Variants in ZNF410 observed in about 807,000 individuals in gnomAD.
ZNF410 encodes the protein zinc finger protein 410, also known as another partner for ARF 1.
A neutral mutation model predicts 54.8 loss-of-function variants in ZNF410; 18 were observed. The ratio of observed to expected loss-of-function variants is 0.33; its 90% CI spans 0.23 to 0.49. The LOEUF (loss-of-function observed/expected upper bound fraction) is 0.49, where lower values mean the gene tolerates loss of function less well. Ranked by LOEUF, ZNF410 falls within the 20% of genes least tolerant of loss-of-function variation. ZNF410 has a pLI of 0.99. For synonymous variants in ZNF410, 191 were observed against 207.3 expected (o/e 0.92, Z 0.68); for missense variants, 405 against 569.6 (o/e 0.71, Z 2.94).
Position 73,896,334 on chromosome 14 carries a change from C to A in ZNF410, c.188C>A (p.Ser63Tyr). The A allele has an allele frequency of 6.2e-7, 1 of 1,614,070 alleles. No individual in the cohort carries two copies. Among genetic ancestry groups the A allele is most frequent in the Non-Finnish European group, 8.5e-7 (1 of 1,179,966 alleles). ...LMLPDDTTNH[S>Y]NSSKEVPSSA... ...TTACTAGATGATACTACAAATCATT[C>A]TAACTCCTCCAAGGAGGTCCCTTCC... The change falls in exon 4 of 12, where the codon TCT (serine) becomes TAT (tyrosine). Residue 63 changes from serine (S) to tyrosine (Y), a missense_variant. By Grantham distance (144) the Ser-to-Tyr change is moderately radical. Coordinates refer to ENST00000555044, the MANE Select transcript of ZNF410 (RefSeq NM_021188.3).
intron 4 of ZNF410, 107 bp downstream of exon 4, chr14:73,896,641 A>G (rs898092050): frequency 4.5e-6 from 4 of 898,494 alleles, no homozygotes; most frequent in Admixed American, 5.5e-5. Flanking sequence ...TTATTATTTT[A>G]TTATTTTGGA....
chr14:73,891,360 G>T (rs550965333), intron 1 of ZNF410, among the ~76,000 whole-genome samples: 1 of 152,008 alleles, frequency 6.6e-6, no homozygotes, highest in East Asian at 1.9e-4. Context: ...TTTGTTTGTT[G>T]GTTTGTTTTT....
Position 73,923,451 on chromosome 14 carries a change from C to A in ZNF410, c.1327C>A (p.His443Asn). 1 of 1,614,086 alleles carries A rather than the reference C, an allele frequency of 6.2e-7. No homozygotes were observed. Among genetic ancestry groups the A allele is most frequent in the Non-Finnish European group, 8.5e-7 (1 of 1,179,974 alleles). Reference sequence around the variant, plus strand: ...GTCTTCAGTGCCTGATGTGACACATCACCTGGTGACCATGCAGTCAGGGAG... The same window carrying A: ...GTCTTCAGTGCCTGATGTGACACATAACCTGGTGACCATGCAGTCAGGGAG... ...SLSSVPDVTH[H>N]LVTMQSGRQS... The change falls in exon 11 of 12, where the codon CAC (histidine) becomes AAC (asparagine). Residue 443 changes from histidine to asparagine, a missense_variant. His to Asn is a moderately conservative substitution (Grantham distance 68, BLOSUM62 1). This residue lies in a region of ZNF410 where 127 missense variants were observed against 141.3 expected (regional missense o/e 0.90). Coordinates refer to ENST00000555044, the MANE Select transcript of ZNF410 (RefSeq NM_021188.3).
chr14:73,903,335 A>G (rs1406156878), intron 5 of ZNF410, among the ~76,000 whole-genome samples: 3 of 152,164 alleles, frequency 2.0e-5, no homozygotes, highest in African/African-American at 4.8e-5. Context: ...GTAATGCAAA[A>G]TGGTTTTAAT....
Position 73,896,497 on chromosome 14 carries a change from T to C in ZNF410, c.351T>C (p.Asp117=). Residue 117 remains aspartate (D), a synonymous_variant, in exon 4 of 12, where the codon GAT becomes GAC. Coordinates refer to ENST00000555044, the MANE Select transcript of ZNF410 (RefSeq NM_021188.3). Reference sequence around the variant, plus strand: ...TGTTGCAAGATCTACAGCCAAGTGATAGCACTTCTTTTATTCTTCTTAACC... The same window carrying C: ...TGTTGCAAGATCTACAGCCAAGTGACAGCACTTCTTTTATTCTTCTTAACC... The part of the protein sequence containing the change: ...SSLLQDLQPS[D]STSFILLNLT... 1.9e-6 allele frequency: 3 copies of C among 1,614,248 alleles called. No homozygotes were observed. Among genetic ancestry groups the C allele is most frequent in the Non-Finnish European group, 2.5e-6 (3 of 1,180,054 alleles).
At chr14:73,897,839 G>T (rs535248916) in intron 4 of ZNF410, among the ~76,000 whole-genome samples, 20 of 152,126 alleles carry the variant, frequency 1.3e-4, no homozygotes, top group Non-Finnish European at 2.5e-4. Flanking sequence ...GGGCGTGGTG[G>T]TGCATGCCTG....
Position 73,905,968 on chromosome 14 carries a change from C to CATATATATATATAT in ZNF410, c.913+899_913+912dup, listed in dbSNP as rs375039083. Among the ~76,000 whole-genome samples the CATATATATATATAT allele has an allele frequency of 1.4e-3, 107 of 78,912 alleles. 1 individual carries two copies. Among genetic ancestry groups the CATATATATATATAT allele is most frequent in the East Asian group, 0.013 (44 of 3,358 alleles). The allele number at this position is 78,912 out of a possible 152,430, so 51.8% of individuals were successfully genotyped here. A position where few individuals can be genotyped will look rare whatever the true frequency, so the allele number is the denominator to read the frequency against. ...ATACACACACACACACACACACACA[C>CATATATATATATAT]ATATATATATATATATATATATATA... On this transcript the variant is annotated intron_variant, in intron 7 of 11. Transcript: ENST00000555044.
chr14:73,892,301 G>T, intron 2 of ZNF410, 93 bp downstream of exon 2: 1 of 1,200,134 alleles, frequency 8.3e-7, no homozygotes, highest in South Asian at 1.4e-5. Flanking sequence ...TTTCTTTAAT[G>T]GGCCAGATAA....
At chr14:73,911,840 G>GTT (rs2055584501) in intron 8 of ZNF410, among the ~76,000 whole-genome samples, 2 of 147,910 alleles carry the variant, frequency 1.4e-5, no homozygotes, top group African/African-American at 5.3e-5. Context: ...ACATTGAGTT[G>GTT]TTGTTGTTGT....
chr14:73,932,051 ACT>A lies in ZNF410; in HGVS notation c.*515_*516del, dbSNP rs2055924272. 4.4e-6 allele frequency: 2 copies of A among 455,266 alleles called. No individual in the cohort carries two copies. Among genetic ancestry groups the A allele is most frequent in the Admixed American group, 2.4e-5 (1 of 42,486 alleles). The allele number at this position is 455,266 out of a possible 1,614,324, so 28.2% of individuals were successfully genotyped here. A position where few individuals can be genotyped will look rare whatever the true frequency, so the allele number is the denominator to read the frequency against. On this transcript the variant is annotated 3_prime_UTR_variant, in exon 12 of 12. Coordinates refer to ENST00000555044, the MANE Select transcript of ZNF410 (RefSeq NM_021188.3). The stretch of plus-strand genomic sequence containing the variant: ...CTCCCTTTAGCAACCTGAGTAAGAG[ACT>A]CTCTGCCACTGGGCTGCAAAAAAAT...
chr14:73,913,512 A>G (rs1035941384), intron 8 of ZNF410: 17 of 152,194 alleles, frequency 1.1e-4, no homozygotes, highest in Admixed American at 9.2e-4. Context: ...TTTTCTTTCA[A>G]TGCAGCTATA....
At position 73,931,062 on chromosome 14, in the gene ZNF410, T is replaced by C. The variant is rs544241675; in HGVS notation, c.1399-441T>C. Among the ~76,000 whole-genome samples the C allele has an allele frequency of 9.9e-4, 151 of 152,330 alleles. 1 individual carries two copies. Among genetic ancestry groups the C allele is most frequent in the African/African-American group, 3.4e-3 (142 of 41,572 alleles). On this transcript the variant is annotated intron_variant, in intron 11 of 11. Transcript: ENST00000555044. Reference sequence around the variant, plus strand: ...GCCCAAGGAACCCCTAGATCTTTTATGAGTGGGTTTCAGCTCTCATATAGT... The same window carrying C: ...GCCCAAGGAACCCCTAGATCTTTTACGAGTGGGTTTCAGCTCTCATATAGT...
chr14:73,927,720 C>G (rs2055853628), intron 11 of ZNF410: 1 of 152,064 alleles, frequency 6.6e-6, no homozygotes, highest in Non-Finnish European at 1.5e-5. Context: ...ATAGTCTCTG[C>G]CTCAAATAGC....
intron 8 of ZNF410, chr14:73,916,092 A>G (rs2055663160): frequency 6.6e-6 from 1 of 151,480 alleles, no homozygotes; most frequent in African/African-American, 2.4e-5. Context: ...ATAATAAATC[A>G]GTAAGAGAGA....
chr14:73,928,487 G>A (rs2055866468), intron 11 of ZNF410, among the ~76,000 whole-genome samples: 1 of 152,184 alleles, frequency 6.6e-6, no homozygotes, highest in Non-Finnish European at 1.5e-5. Flanking sequence ...ATGGTTTGAA[G>A]TAGGGTATGA....
At chr14:73,919,731 T>C (rs2055725996) in intron 8 of ZNF410, among the ~76,000 whole-genome samples, 1 of 152,158 alleles carries the variant, frequency 6.6e-6, no homozygotes, top group African/African-American at 2.4e-5. Context: ...CTGTTGTGAA[T>C]AGTGCTGCAT....
At chr14:73,916,777 T>C (rs11626866) in intron 8 of ZNF410, 76,380 of 151,228 alleles carry the variant, frequency 0.51, 19,373 homozygotes, top group South Asian at 0.61. Context: ...AGTTCGAGAC[T>C]AGCCTGGGCA....
intron 11 of ZNF410, chr14:73,924,692 T>C (rs1365061990): frequency 1.1e-5 from 5 of 450,318 alleles, no homozygotes; most frequent in South Asian, 7.8e-5. Context: ...TCTTTTTTTT[T>C]TTGAGACAGA....
intron 3 of ZNF410, chr14:73,894,423 CTTTTT>C: frequency 4.7e-6 from 3 of 633,278 alleles, no homozygotes; most frequent in East Asian, 2.8e-5. Context: ...TACATACTTG[CTTTTT>C]TTTTTTTTTT....
Sources: allele counts gnomAD v4.1 joint callset (sites outside exome capture counted in the v4.1 genomes callset), GRCh38; gene constraint gnomAD v4.1.1; regional missense constraint gnomAD v4.1.1; transcripts MANE v1.5; gene names NCBI Gene and HGNC (gene_info 2026-07-23, HGNC 2026-07-21).